Variants in PEX19 observed in about 807,000 individuals in gnomAD.
The protein encoded by PEX19 is 33 kDa housekeeping protein.
A neutral mutation model predicts 36.3 loss-of-function variants in PEX19; 29 were observed. The observed-to-expected ratio is 0.80, with a 90% CI of 0.60 to 1.09. The LOEUF is 1.09. Among genes scored for constraint, PEX19 ranks in the 50% least tolerant of loss-of-function variants. The pLI is 0.00. For missense variants in PEX19, 396 were observed against 368.1 expected (o/e 1.08, Z -0.62); for synonymous variants, 141 against 135.2 (o/e 1.04, Z -0.30).
rs968576255 is a variant in PEX19, at chr1:160,276,816, T to C, written c.*2735A>G. 1 of 373,698 alleles carries C rather than the reference T, an allele frequency of 2.7e-6. No individual in the cohort carries two copies. Among genetic ancestry groups the C allele is most frequent in the Non-Finnish European group, 5.2e-6 (1 of 192,224 alleles). 23.1% of individuals were successfully genotyped at this position (373,698 alleles called of 1,614,324 possible). Reference sequence around the variant, plus strand: ...GAGTCACAGGAAAATGTCCCAATTATCAAAAAGTCTGTATTAATTCAATTC... The same window carrying C: ...GAGTCACAGGAAAATGTCCCAATTACCAAAAAGTCTGTATTAATTCAATTC... On this transcript the variant is annotated 3_prime_UTR_variant, in exon 8 of 8. Transcript: ENST00000368072.
Position 160,282,566 on chromosome 1 carries a change from T to C in PEX19, c.347-64A>G. 6 of 1,246,404 alleles carry C rather than the reference T, an allele frequency of 4.8e-6. No homozygotes were observed. The South Asian group carries it at 7.2e-5, about 15-fold the overall frequency. 77.2% of individuals were successfully genotyped at this position (1,246,404 alleles called of 1,614,324 possible). ...TGTTTCCTTGCCTAGACTGAACTGG[T>C]TAACAGCTTGGATATGAAGCATTTA... On this transcript the variant is annotated intron_variant, in intron 3 of 7. Transcript: ENST00000368072.
chr1:160,278,643 T>C lies in PEX19; in HGVS notation c.*908A>G, dbSNP rs995178773. The C allele has an allele frequency of 2.0e-5, 9 of 454,358 alleles. No individual in the cohort carries two copies. The highest frequency in any genetic ancestry group is 6.9e-5 in the East Asian group (1 of 14,402). 28.1% of individuals were successfully genotyped at this position (454,358 alleles called of 1,614,324 possible). On this transcript the variant is annotated 3_prime_UTR_variant, in exon 8 of 8. Coordinates refer to ENST00000368072, the MANE Select transcript of PEX19 (RefSeq NM_002857.4). ...AAGCCAGAATGTATCTGGGGAAGAA[T>C]AGCCATTAATTTCCTAGACCTGACA...
In PEX19 at chr1:160,283,545, T is replaced by C; in HGVS notation, c.165A>G (p.Pro55=). 1 of 1,612,464 alleles carries C rather than the reference T, an allele frequency of 6.2e-7. No individual in the cohort carries two copies. The stretch of plus-strand genomic sequence containing the variant: ...GAATTTATACTTTGGCAGTGTCTCC[T>C]GGCGATCTCTTCTGGGGCCCCGAAG... The part of the protein sequence containing the change: ...PDASGPQKRS[P]GDTAKDALFA... The change falls in exon 2 of 8, where the codon CCA becomes CCG. Residue 55 remains proline (P), a synonymous_variant. Transcript: ENST00000368072.
At chr1:160,282,595 G>A in intron 3 of PEX19, 93 bp from the exon 4 acceptor site, 1 of 935,026 alleles carries the variant, frequency 1.1e-6, no homozygotes, top group Non-Finnish European at 1.8e-6. Context: ...GCATTTACTA[G>A]TGAATCATTA....
rs1262597224 is a variant in PEX19, at chr1:160,276,814, T to G, written c.*2737A>C. 5.4e-6 allele frequency: 2 copies of G among 372,192 alleles called. No homozygotes were observed. The highest frequency in any genetic ancestry group is 4.2e-5 in the African/African-American group (2 of 47,074). The allele number at this position is 372,192 out of a possible 1,614,324, so 23.1% of individuals were successfully genotyped here. A position where few individuals can be genotyped will look rare whatever the true frequency, so the allele number is the denominator to read the frequency against. ...CAGAGTCACAGGAAAATGTCCCAATTATCAAAAAGTCTGTATTAATTCAAT... is the reference window on the plus strand; with the variant it reads ...CAGAGTCACAGGAAAATGTCCCAATGATCAAAAAGTCTGTATTAATTCAAT... On this transcript the variant is annotated 3_prime_UTR_variant, in exon 8 of 8. Coordinates refer to ENST00000368072, the MANE Select transcript of PEX19 (RefSeq NM_002857.4).
intron 5 of PEX19, 37 bp from the exon 6 acceptor site, chr1:160,280,283 G>T (rs780156045): frequency 1.9e-6 from 3 of 1,559,366 alleles, no homozygotes; most frequent in Admixed American, 1.7e-5. Context: ...AGAATTAAGT[G>T]AACAATGGAT....
In PEX19 at chr1:160,282,024, T is replaced by TG; in HGVS notation, c.594+14dup. ...GGAAAATGAAGAGAAAAAGCAGAAA[T>TG]GGAAGTTCACAAACCTTTTCTGTGA... On this transcript the variant is annotated intron_variant, in intron 5 of 7. Transcript: ENST00000368072. 1 of 1,611,140 alleles carries TG rather than the reference T, an allele frequency of 6.2e-7. No homozygotes were observed. Among genetic ancestry groups the TG allele is most frequent in the South Asian group, 1.1e-5 (1 of 91,014 alleles).
rs369271204 is a variant in PEX19, at chr1:160,283,135, C to T, written c.181-26G>A. ...CTGCGGGGGAAGGATGGCTGAAATG[C>T]GTCTCTTACTTAGGACTACACTGCA... On this transcript the variant is annotated intron_variant, in intron 2 of 7. Coordinates refer to ENST00000368072, the MANE Select transcript of PEX19 (RefSeq NM_002857.4). 78 of 1,611,666 alleles carry T rather than the reference C, an allele frequency of 4.8e-5. No homozygotes were observed. The African/African-American group carries it at 7.8e-4, about 16-fold the overall frequency.
intron 7 of PEX19, 80 bp downstream of exon 7, chr1:160,279,721 T>G: frequency 1.3e-6 from 2 of 1,540,966 alleles, no homozygotes; most frequent in South Asian, 2.2e-5. Flanking sequence ...AATTTTCACC[T>G]TAGGTGGAAT....
In PEX19 at chr1:160,278,396, T is replaced by C. The variant is rs1157072126; in HGVS notation, c.*1155A>G. 4.5e-6 allele frequency: 3 copies of C among 663,856 alleles called. No homozygotes were observed. Among genetic ancestry groups the C allele is most frequent in the Admixed American group, 2.0e-5 (1 of 48,890 alleles). 41.1% of individuals were successfully genotyped at this position (663,856 alleles called of 1,614,324 possible). A position where few individuals can be genotyped will look rare whatever the true frequency, so the allele number is the denominator to read the frequency against. On this transcript the variant is annotated 3_prime_UTR_variant, in exon 8 of 8. Transcript: ENST00000368072. The stretch of plus-strand genomic sequence containing the variant: ...AGGTGGGTGTTGATGGAACCCAGCA[T>C]TACAATATTGTGTAGAACTAGTCTC...
chr1:160,283,056 T>C lies in PEX19; in HGVS notation c.234A>G (p.Glu78=), dbSNP rs2101804754. ...EKFFQELFDS[E]LASQATAEFE... is the part of the protein sequence containing the mutation. ...ACTCCGCAGTGGCTTGGGAAGCCAGTTCACTGTCGAATAGTTCCTGGAAAA... is the reference window on the plus strand; with the variant it reads ...ACTCCGCAGTGGCTTGGGAAGCCAGCTCACTGTCGAATAGTTCCTGGAAAA... The change falls in exon 3 of 8, where the codon GAA becomes GAG. Residue 78 remains glutamate (E), a synonymous_variant. Transcript: ENST00000368072. The C allele has an allele frequency of 6.2e-7, 1 of 1,614,142 alleles. No individual in the cohort carries two copies. The highest frequency in any genetic ancestry group is 1.3e-5 in the African/African-American group (1 of 75,028).
rs1355272995 is a variant in PEX19 at position 160,276,935 on chromosome 1, T to C, written c.*2616A>G. The C allele has an allele frequency of 2.2e-6, 1 of 452,958 alleles. No individual in the cohort carries two copies. Among genetic ancestry groups the C allele is most frequent in the Non-Finnish European group, 4.4e-6 (1 of 226,064 alleles). The allele number at this position is 452,958 out of a possible 1,614,324, so 28.1% of individuals were successfully genotyped here. A position where few individuals can be genotyped will look rare whatever the true frequency, so the allele number is the denominator to read the frequency against. Reference sequence around the variant, plus strand: ...ACTCCTTTAAAGTTTGAGAGTCGCATAAATATTTCATATACAGCTTAAACC... The same window carrying C: ...ACTCCTTTAAAGTTTGAGAGTCGCACAAATATTTCATATACAGCTTAAACC... On this transcript the variant is annotated 3_prime_UTR_variant, in exon 8 of 8. Transcript: ENST00000368072.
chr1:160,281,513 A>T lies in PEX19; in HGVS notation c.594+526T>A, dbSNP rs568715533. Among the ~76,000 whole-genome samples the T allele has an allele frequency of 1.9e-3, 289 of 152,244 alleles. 1 individual carries two copies. Among genetic ancestry groups the T allele is most frequent in the Middle Eastern group, 0.01 (3 of 294 alleles). On this transcript the variant is annotated intron_variant, in intron 5 of 7. Transcript: ENST00000368072. ...AACCTCTGCCTCCCAGGTTCAAGTGATTCTCCTGCTGCCTCCTGAGTAGTT... is the reference window on the plus strand; with the variant it reads ...AACCTCTGCCTCCCAGGTTCAAGTGTTTCTCCTGCTGCCTCCTGAGTAGTT...
Position 160,278,077 on chromosome 1 carries a change from G to C in PEX19, c.*1474C>G, listed in dbSNP as rs1657611380. 1 of 702,378 alleles carries C rather than the reference G, an allele frequency of 1.4e-6. No homozygotes were observed. 43.5% of individuals were successfully genotyped at this position (702,378 alleles called of 1,614,324 possible). A position where few individuals can be genotyped will look rare whatever the true frequency, so the allele number is the denominator to read the frequency against. ...AATGCATGTGAATTTGCTTTGGAGAGACTTATCTTCTGAGTGAACCAGGAC... is the reference window on the plus strand; with the variant it reads ...AATGCATGTGAATTTGCTTTGGAGACACTTATCTTCTGAGTGAACCAGGAC... On this transcript the variant is annotated 3_prime_UTR_variant, in exon 8 of 8. Transcript: ENST00000368072.
In PEX19 at chr1:160,280,168, T is replaced by A; in HGVS notation, c.673A>T (p.Met225Leu). 6.2e-7 allele frequency: 1 copy of A among 1,613,772 alleles called. No individual in the cohort carries two copies. Among genetic ancestry groups the A allele is most frequent in the Non-Finnish European group, 8.5e-7 (1 of 1,179,644 alleles). Reference protein sequence around the residue: ...FEKYQEQHSVMCKICEQFEAE... With the variant: ...FEKYQEQHSVLCKICEQFEAE... ...TCAAACTGCTCACATATTTTGCACA[T>A]GACGCTGTGCTGCTCCTGATATTTT... Residue 225 changes from methionine (M) to leucine (L), a missense_variant, in exon 6 of 8, where the codon ATG becomes TTG. Coordinates refer to ENST00000368072, the MANE Select transcript of PEX19 (RefSeq NM_002857.4).
At position 160,277,198 on chromosome 1, in the gene PEX19, C is replaced by A. The variant is rs9853; in HGVS notation, c.*2353G>T. 0.017 allele frequency: 7,918 copies of A among 455,484 alleles called. 451 individuals are homozygous for A. Among genetic ancestry groups the A allele is most frequent in the African/African-American group, 0.14 (7,066 of 49,934 alleles). 28.2% of individuals were successfully genotyped at this position (455,484 alleles called of 1,614,324 possible). A position where few individuals can be genotyped will look rare whatever the true frequency, so the allele number is the denominator to read the frequency against. ...GCAGACTTGTGCTGGTCAGTGAACACCTTTTTTTTTTTTTCACCAGTCTGT... is the reference window on the plus strand; with the variant it reads ...GCAGACTTGTGCTGGTCAGTGAACAACTTTTTTTTTTTTTCACCAGTCTGT... On this transcript the variant is annotated 3_prime_UTR_variant, in exon 8 of 8. Coordinates refer to ENST00000368072, the MANE Select transcript of PEX19 (RefSeq NM_002857.4).
intron 5 of PEX19, among the ~76,000 whole-genome samples, chr1:160,280,561 G>C (rs552265098): frequency 5.8e-4 from 88 of 151,378 alleles, no homozygotes; most frequent in African/African-American, 2.0e-3. Flanking sequence ...CTGTCACCCA[G>C]GCTGGAGTGT....
rs765134753 is a variant in PEX19 at position 160,282,948 on chromosome 1, T to G, written c.342A>C (p.Arg114Ser). ...ATGTATCTGGGGTCTCCTCACCCAC[T>G]CTCCCTGCAGCCTCTGAGAGCTTTT... ...QFQKLSEAAG[R>S]VGSDMTSQQE... The change falls in exon 3 of 8, where the codon AGA becomes AGC. Residue 114 changes from arginine (R) to serine (S), a missense_variant. Physicochemically the swap from Arg to Ser is moderately radical, Grantham distance 110. Coordinates refer to ENST00000368072, the MANE Select transcript of PEX19 (RefSeq NM_002857.4). 6.2e-7 allele frequency: 1 copy of G among 1,614,180 alleles called. No homozygotes were observed. The highest frequency in any genetic ancestry group is 1.1e-5 in the South Asian group (1 of 91,088).
chr1:160,278,120 A>G lies in PEX19; in HGVS notation c.*1431T>C. The G allele has an allele frequency of 1.4e-6, 1 of 702,604 alleles. No individual in the cohort carries two copies. The highest frequency in any genetic ancestry group is 2.7e-5 in the East Asian group (1 of 37,292). The allele number at this position is 702,604 out of a possible 1,614,324, so 43.5% of individuals were successfully genotyped here. ...ACCAGGACAGCCAGCTGAGCTGACC[A>G]GAGTACCTACCAACATATGTCAGCC... On this transcript the variant is annotated 3_prime_UTR_variant, in exon 8 of 8. Coordinates refer to ENST00000368072, the MANE Select transcript of PEX19 (RefSeq NM_002857.4).
Sources: gnomAD v4.1 joint callset for allele counts (sites outside exome capture counted in the v4.1 genomes callset) on GRCh38, gnomAD v4.1.1 for gene constraint, MANE v1.5 for transcripts, NCBI Gene and HGNC (gene_info 2026-07-23, HGNC 2026-07-21) for gene names.